BMS1: variants seen among roughly 807,000 people sequenced by gnomAD.
BMS1 encodes the protein BMS1 ribosome biogenesis factor, also known as ribosome biogenesis protein BMS1 homolog.
A neutral mutation model predicts 138.7 loss-of-function variants in BMS1; 53 were observed. The ratio of observed to expected loss-of-function variants is 0.38; its 90% confidence interval spans 0.31 to 0.48. BMS1 has a LOEUF of 0.48. Ranked by LOEUF, BMS1 falls within the 20% of genes least tolerant of loss-of-function variation. The pLI is 0.97. For missense variants in BMS1, 1,360 were observed against 1,565.5 expected (o/e 0.87, Z 2.22); for synonymous variants, 504 against 539.9 (o/e 0.93, Z 0.92).
rs189496159 is a variant in BMS1, at chr10:42,827,884, G to T, written c.3457-2377G>T. On this transcript the variant is annotated intron_variant, in intron 21 of 22. Transcript: ENST00000374518. Reference sequence around the variant, plus strand: ...TCACTCCCTCTTAAACTTTTCACTGGGTACTCTTTTGAACTATTTTTTTCC... The same window carrying T: ...TCACTCCCTCTTAAACTTTTCACTGTGTACTCTTTTGAACTATTTTTTTCC... Among the ~76,000 whole-genome samples, 11 of 151,816 alleles carry T rather than the reference G, an allele frequency of 7.2e-5. 1 individual carries two copies. The highest frequency in any genetic ancestry group is 7.2e-4 in the Admixed American group (11 of 15,248).
intron 15 of BMS1, among the ~76,000 whole-genome samples, chr10:42,819,929 C>T (rs561463995): frequency 2.0e-4 from 31 of 152,168 alleles, no homozygotes; most frequent in African/African-American, 6.7e-4. Context: ...GTAGCTGGGA[C>T]TACAGGCACG....
intron 13 of BMS1, among the ~76,000 whole-genome samples, chr10:42,805,909 C>T (rs1026538321): frequency 2.0e-5 from 3 of 152,154 alleles, no homozygotes; most frequent in Admixed American, 1.3e-4. Context: ...AAGCAATTCT[C>T]ATGCCCCAGC....
At chr10:42,786,588 C>CT (rs1313132512) in intron 3 of BMS1, among the ~76,000 whole-genome samples, 11 of 150,444 alleles carry the variant, frequency 7.3e-5, no homozygotes, top group Middle Eastern at 3.5e-3. Flanking sequence ...TCTTTTTTTT[C>CT]CTTTTTTTTT....
intron 13 of BMS1, among the ~76,000 whole-genome samples, chr10:42,816,322 A>G (rs1285146968): frequency 6.6e-6 from 1 of 152,132 alleles, no homozygotes; most frequent in Non-Finnish European, 1.5e-5. Context: ...CAAAAACAAA[A>G]GAGTGTCCAT....
chr10:42,827,760 C>T (rs907460423), intron 21 of BMS1, among the ~76,000 whole-genome samples: 1 of 152,074 alleles, frequency 6.6e-6, no homozygotes, highest in African/African-American at 2.4e-5. Flanking sequence ...CTCTGGGGCT[C>T]TCCTTTAGTG....
chr10:42,808,421 C>A (rs1382011938), intron 13 of BMS1, among the ~76,000 whole-genome samples: 1 of 151,774 alleles, frequency 6.6e-6, no homozygotes, highest in Admixed American at 6.6e-5. Context: ...GCCTCAGCCT[C>A]CCGAGTAGCT....
rs968787870 is a variant in BMS1 at position 42,823,191 on chromosome 10, G to C, written c.3206G>C (p.Gly1069Ala). ...AVIRTVSGIR[G>A]QIKKALRAPE... ...ATTCGAACAGTCAGTGGGATAAGGG[G>C]GCAGATCAAGAAAGCACTCCGAGCT... is the stretch of plus-strand genomic sequence containing the variant. The change falls in exon 20 of 23, where the codon GGG becomes GCG. Residue 1069 changes from glycine (G) to alanine (A), a missense_variant. Physicochemically the swap from Gly to Ala is moderately conservative, Grantham distance 60. Transcript: ENST00000374518. 4 of 1,608,348 alleles carry C rather than the reference G, an allele frequency of 2.5e-6. No individual in the cohort carries two copies. Among genetic ancestry groups the C allele is most frequent in the Non-Finnish European group, 3.4e-6 (4 of 1,178,756 alleles).
intron 13 of BMS1, among the ~76,000 whole-genome samples, chr10:42,807,558 C>A (rs1842048076): frequency 6.6e-6 from 1 of 152,090 alleles, no homozygotes; most frequent in Non-Finnish European, 1.5e-5. Context: ...GCAGCCTCGA[C>A]CTCCTAGGCT....
rs184757212 is a variant in BMS1 at position 42,830,110 on chromosome 10, A to C, written c.3457-151A>C. The C allele has an allele frequency of 5.9e-4, 485 of 815,270 alleles. 1 individual carries two copies. In the African/African-American group the frequency reaches 7.0e-3, roughly 12 times the overall value. The allele number at this position is 815,270 out of a possible 1,614,324, so 50.5% of individuals were successfully genotyped here. ...TCCACTGAGGCAGTTCATATTTGGC[A>C]GATGATTGAGTCCTGATTTCTCAGG... On this transcript the variant is annotated intron_variant, in intron 21 of 22. Coordinates refer to ENST00000374518, the MANE Select transcript of BMS1 (RefSeq NM_014753.4).
chr10:42,796,227 GT>G lies in BMS1; in HGVS notation c.1230-241del, dbSNP rs375518328. Reference sequence around the variant, plus strand: ...AATTTTTTTCTAAAATTAGATTTTTGTTTTTTAAGGGTTATTCCTTTATTCT... The same window carrying G: ...AATTTTTTTCTAAAATTAGATTTTTGTTTTTAAGGGTTATTCCTTTATTCT... On this transcript the variant is annotated intron_variant, in intron 9 of 22. Coordinates refer to ENST00000374518, the MANE Select transcript of BMS1 (RefSeq NM_014753.4). Among the ~76,000 whole-genome samples, 1,383 of 152,208 alleles carry G rather than the reference GT, an allele frequency of 9.1e-3. 8 individuals carry two copies. Among genetic ancestry groups the G allele is most frequent in the Non-Finnish European group, 0.015 (1,000 of 67,988 alleles).
At chr10:42,783,036 G>A (rs755245643) in intron 1 of BMS1, among the ~76,000 whole-genome samples, 1 of 152,054 alleles carries the variant, frequency 6.6e-6, no homozygotes, top group Non-Finnish European at 1.5e-5. Flanking sequence ...GAGCCCAGAC[G>A]GGGAGGGAAG....
chr10:42,798,447 C>T, intron 11 of BMS1, 21 bp from the exon 12 acceptor site: 4 of 1,613,818 alleles, frequency 2.5e-6, no homozygotes, highest in Non-Finnish European at 3.4e-6. Flanking sequence ...TCTCACTTTT[C>T]TGCCATGGTG....
intron 13 of BMS1, among the ~76,000 whole-genome samples, chr10:42,809,355 G>T (rs1785171882): frequency 6.6e-6 from 1 of 151,884 alleles, no homozygotes; most frequent in South Asian, 2.1e-4. Context: ...ACAGACAGTT[G>T]TGTAGAAAAC....
At chr10:42,795,209 T>C in intron 9 of BMS1, among the ~76,000 whole-genome samples, 1 of 152,192 alleles carries the variant, frequency 6.6e-6, no homozygotes, top group Non-Finnish European at 1.5e-5. Flanking sequence ...TTGTGAATAG[T>C]GCGGCAATAA....
chr10:42,794,738 T>C (rs1043498302), intron 9 of BMS1, among the ~76,000 whole-genome samples: 9 of 151,724 alleles, frequency 5.9e-5, no homozygotes, highest in Non-Finnish European at 1.3e-4. Context: ...AAATACATAA[T>C]TTTATTTCTA....
intron 9 of BMS1, among the ~76,000 whole-genome samples, chr10:42,794,969 T>C (rs943093437): frequency 1.8e-4 from 28 of 151,828 alleles, no homozygotes; most frequent in African/African-American, 6.8e-4. Context: ...TGTGTCCATG[T>C]GTTCTCATTG....
intron 7 of BMS1, 91 bp downstream of exon 7, chr10:42,792,705 G>A: frequency 6.5e-7 from 1 of 1,532,518 alleles, no homozygotes; most frequent in Non-Finnish European, 8.7e-7. Flanking sequence ...GACCAAACAA[G>A]GGAAGATGGC....
At chr10:42,790,544 G>A (rs752233554) in intron 5 of BMS1, 33 bp downstream of exon 5, 1 of 1,604,294 alleles carries the variant, frequency 6.2e-7, no homozygotes, top group Non-Finnish European at 8.5e-7. Context: ...GATACTAACA[G>A]TATAATCCTT....
intron 13 of BMS1, among the ~76,000 whole-genome samples, chr10:42,811,875 T>C (rs1042730230): frequency 6.6e-6 from 1 of 152,190 alleles, no homozygotes; most frequent in African/African-American, 2.4e-5. Flanking sequence ...TTTTGGCCCA[T>C]GCATTATTTA....
Sources: gnomAD v4.1 joint callset for allele counts (sites outside exome capture counted in the v4.1 genomes callset) on GRCh38, gnomAD v4.1.1 for gene constraint, MANE v1.5 for transcripts, NCBI Gene and HGNC (gene_info 2026-07-23, HGNC 2026-07-21) for gene names.